The following GTF3C5 variants were observed in gnomAD, a reference collection of about 807,000 sequenced individuals.
The protein encoded by GTF3C5 is general transcription factor IIIC subunit 5, also known as general transcription factor 3C polypeptide 5.
In GTF3C5, 47 loss-of-function variants were observed where a neutral mutation model predicts 61.0. The observed-to-expected ratio is 0.77, with a 90% CI of 0.61 to 0.98. GTF3C5 has a LOEUF of 0.98. GTF3C5 is among the 50% of genes least tolerant of loss of function. GTF3C5 has a pLI of 0.00. For missense variants in GTF3C5, 659 were observed against 703.3 expected (o/e 0.94, Z 0.71); for synonymous variants, 295 against 275.4 (o/e 1.07, Z -0.71).
chr9:133,055,291 C>T lies in GTF3C5; in HGVS notation c.1167+482C>T, dbSNP rs1424757919. The T allele has an allele frequency of 4.3e-6, 6 of 1,408,212 alleles. No homozygotes were observed. In the South Asian group the frequency reaches 6.1e-5, roughly 14 times the overall value. 87.2% of individuals were successfully genotyped at this position (1,408,212 alleles called of 1,614,324 possible). On this transcript the variant is annotated intron_variant, in intron 8 of 10. Transcript: ENST00000372097. ...CCCACATTCAGGCTCCCGCAAGCCG[C>T]TCCACAGCCCTGGGGGAGGCCGAGA...
chr9:133,050,939 T>G lies in GTF3C5; in HGVS notation c.729T>G (p.Thr243=), dbSNP rs375209469. 5.1e-5 allele frequency: 83 copies of G among 1,612,636 alleles called. No homozygotes were observed. Among genetic ancestry groups the G allele is most frequent in the Non-Finnish European group, 6.9e-5 (81 of 1,179,506 alleles). ...AAAQTWRRVC[T]NPVDRKVEEE... is the part of the protein sequence containing the mutation. ...CCCAGACGTGGAGGAGAGTCTGCAC[T>G]AACCCCGTGGACCGGAAGGTGGAGG... Residue 243 remains threonine, a synonymous_variant, in exon 4 of 11, where the codon ACT becomes ACG. Transcript: ENST00000372097.
intron 1 of GTF3C5, 45 bp downstream of exon 1, chr9:133,031,209 G>T: frequency 6.7e-7 from 1 of 1,495,198 alleles, no homozygotes; most frequent in Admixed American, 2.2e-5. Context: ...GCTCGGAGTC[G>T]CAAAGAAAAC....
chr9:133,055,477 G>A (rs1051285000), intron 8 of GTF3C5: 28 of 1,214,330 alleles, frequency 2.3e-5, no homozygotes, highest in Admixed American at 3.1e-5. Context: ...AGTGAGGGGC[G>A]ATCATGCCAC....
rs114904709 is a variant in GTF3C5, at chr9:133,033,666, C to T, written c.153+2502C>T. Among the ~76,000 whole-genome samples, 966 of 152,252 alleles carry T rather than the reference C, an allele frequency of 6.3e-3. 16 individuals are homozygous for T. The highest frequency in any genetic ancestry group is 0.022 in the African/African-American group (913 of 41,530). ...CAGGCTGTGGGGTCCTGGAAAAGAG[C>T]TACCGTACAGCCCATGCCCACTCGT... On this transcript the variant is annotated intron_variant, in intron 1 of 10. Transcript: ENST00000372097.
intron 8 of GTF3C5, chr9:133,055,601 T>C (rs899426167): frequency 2.7e-5 from 27 of 985,314 alleles, no homozygotes; most frequent in Middle Eastern, 1.0e-3. Flanking sequence ...GCCCTGCTTT[T>C]CCCAGAAAAG....
intron 1 of GTF3C5, among the ~76,000 whole-genome samples, chr9:133,033,965 C>T (rs1310532917): frequency 6.6e-6 from 1 of 152,076 alleles, no homozygotes; most frequent in African/African-American, 2.4e-5. Flanking sequence ...GTTCCCTGGA[C>T]TCTGGGTCTG....
At position 133,053,874 on chromosome 9, in the gene GTF3C5, C is replaced by G. The variant is rs775594858; in HGVS notation, c.920C>G (p.Pro307Arg). 9 of 1,613,360 alleles carry G rather than the reference C, an allele frequency of 5.6e-6. No homozygotes were observed. Among genetic ancestry groups the G allele is most frequent in the Non-Finnish European group, 5.9e-6 (7 of 1,179,464 alleles). Residue 307 changes from proline to arginine, a missense_variant, in exon 6 of 11, where the codon CCC (proline) becomes CGC (arginine). Coordinates refer to ENST00000372097, the MANE Select transcript of GTF3C5 (RefSeq NM_012087.4). Reference sequence around the variant, plus strand: ...CTATGGATTCGATTTGGGTATGACCCCCGAAAAAACCCAGATGCCAAGATT... The same window carrying G: ...CTATGGATTCGATTTGGGTATGACCGCCGAAAAAACCCAGATGCCAAGATT... ...RSLWIRFGYDPRKNPDAKIYQ... is the reference protein window; with the variant it reads ...RSLWIRFGYDRRKNPDAKIYQ...
intron 1 of GTF3C5, among the ~76,000 whole-genome samples, chr9:133,031,535 A>G (rs1000362483): frequency 2.0e-5 from 3 of 152,120 alleles, no homozygotes; most frequent in Admixed American, 2.0e-4. Context: ...ATTTTTTAGT[A>G]GAGAGGGGGT....
intron 1 of GTF3C5, among the ~76,000 whole-genome samples, chr9:133,040,118 G>A (rs1369340807): frequency 6.6e-6 from 1 of 152,164 alleles, no homozygotes; most frequent in Non-Finnish European, 1.5e-5. Flanking sequence ...TTTGGGAAGG[G>A]ACCTTCCTTA....
intron 5 of GTF3C5, 51 bp downstream of exon 5, chr9:133,052,215 C>G (rs1425086803): frequency 2.1e-6 from 2 of 962,486 alleles, no homozygotes; most frequent in Non-Finnish European, 3.3e-6. Flanking sequence ...CATGTGGTCC[C>G]TGGTCCCTGC....
At chr9:133,047,487 C>G (rs528670245) in intron 3 of GTF3C5, among the ~76,000 whole-genome samples, 2 of 151,760 alleles carry the variant, frequency 1.3e-5, no homozygotes, top group South Asian at 4.2e-4. Flanking sequence ...ATTGTACTCA[C>G]TATAAGAGTT....
At position 133,034,739 on chromosome 9, in the gene GTF3C5, G is replaced by C. The variant is rs1849818020; in HGVS notation, c.153+3575G>C. Among the ~76,000 whole-genome samples, 4 of 152,142 alleles carry C rather than the reference G, an allele frequency of 2.6e-5. No homozygotes were observed. The South Asian group carries it at 8.3e-4, about 31-fold the overall frequency. ...TCCCCAGGCTGATGCTGGTGTGCTG[G>C]AAACTCTAGAGCTGGCGTCTGTGCT... On this transcript the variant is annotated intron_variant, in intron 1 of 10. Transcript: ENST00000372097.
chr9:133,041,722 G>A (rs1486373187), intron 1 of GTF3C5, among the ~76,000 whole-genome samples: 1 of 152,022 alleles, frequency 6.6e-6, no homozygotes. Flanking sequence ...CTGCAGTCTC[G>A]TCTCCACACA....
rs756239026 is a variant in GTF3C5, at chr9:133,050,891, C to T, written c.681C>T (p.Pro227=). ...IFVNFEDEEV[P]KQPLEAAAQT... The stretch of plus-strand genomic sequence containing the variant: ...TCAACTTTGAGGATGAGGAGGTGCC[C>T]AAGCAGCCACTGGAGGCTGCAGCCC... Residue 227 remains proline (P), a synonymous_variant, in exon 4 of 11, where the codon CCC becomes CCT. Transcript: ENST00000372097. 3 of 1,613,576 alleles carry T rather than the reference C, an allele frequency of 1.9e-6. No homozygotes were observed. The highest frequency in any genetic ancestry group is 2.2e-5 in the South Asian group (2 of 90,986).
chr9:133,044,145 C>A, intron 3 of GTF3C5: 4 of 140,862 alleles, frequency 2.8e-5, no homozygotes, highest in South Asian at 4.0e-4. Context: ...ACTTTGTCTC[C>A]CAAAAAAAAA....
intron 3 of GTF3C5, among the ~76,000 whole-genome samples, chr9:133,047,248 C>T (rs965601282): frequency 2.0e-5 from 3 of 152,174 alleles, no homozygotes; most frequent in Non-Finnish European, 4.4e-5. Flanking sequence ...TCTCAAAAGC[C>T]ACTCAGGAGC....
intron 1 of GTF3C5, among the ~76,000 whole-genome samples, chr9:133,039,648 G>A (rs560658491): frequency 6.6e-6 from 1 of 152,174 alleles, no homozygotes; most frequent in South Asian, 2.1e-4. Flanking sequence ...CAAGCGATCC[G>A]CCTGCCTTGG....
At chr9:133,047,162 A>G (rs1016265375) in intron 3 of GTF3C5, among the ~76,000 whole-genome samples, 2 of 152,098 alleles carry the variant, frequency 1.3e-5, no homozygotes, top group African/African-American at 2.4e-5. Context: ...TCGCAATACC[A>G]GTCTCCTACG....
chr9:133,033,903 C>T (rs1006638148), intron 1 of GTF3C5, among the ~76,000 whole-genome samples: 1 of 152,050 alleles, frequency 6.6e-6, no homozygotes, highest in African/African-American at 2.4e-5. Flanking sequence ...TTGTGGAGAC[C>T]GGAGGGGAAC....
Sources: gnomAD v4.1 joint callset for allele counts (sites outside exome capture counted in the v4.1 genomes callset) on GRCh38, gnomAD v4.1.1 for gene constraint, MANE v1.5 for transcripts, NCBI Gene and HGNC (gene_info 2026-07-23, HGNC 2026-07-21) for gene names.